Variants in PRKACB observed in about 807,000 individuals in gnomAD.
PRKACB encodes the protein protein kinase cAMP-activated catalytic subunit beta, also known as cAMP-dependent protein kinase catalytic subunit beta.
PRKACB carries 16 observed loss-of-function variants against 51.4 expected under a neutral mutation model. The observed-to-expected ratio is 0.31, with a 90% CI of 0.21 to 0.47. The LOEUF (loss-of-function observed/expected upper bound fraction) is 0.47. PRKACB is among the 20% of genes least tolerant of loss of function. The pLI is 1.00. For synonymous variants in PRKACB, 147 were observed against 154.4 expected (o/e 0.95, Z 0.35); for missense variants, 309 against 464.5 (o/e 0.67, Z 3.08).
At chr1:84,158,924 T>C (rs752540570) in intron 1 of PRKACB, among the ~76,000 whole-genome samples, 14 of 152,148 alleles carry the variant, frequency 9.2e-5, no homozygotes, top group African/African-American at 1.2e-4. Context: ...TTGGCATCTT[T>C]CTCAAAAATC....
intron 1 of PRKACB, among the ~76,000 whole-genome samples, chr1:84,134,536 A>G (rs2100565345): frequency 6.6e-6 from 1 of 152,352 alleles, no homozygotes; most frequent in East Asian, 1.9e-4. Context: ...GACTTAGATT[A>G]GTTAAAAATG....
At chr1:84,164,374 G>C (rs780779693) in intron 1 of PRKACB, 2 of 1,565,694 alleles carry the variant, frequency 1.3e-6, no homozygotes, top group African/African-American at 2.7e-5. Flanking sequence ...AGACGTTTAG[G>C]TGCAATCATT....
chr1:84,159,594 T>A (rs541047108), intron 1 of PRKACB, among the ~76,000 whole-genome samples: 2 of 152,284 alleles, frequency 1.3e-5, no homozygotes, highest in South Asian at 4.1e-4. Flanking sequence ...ATATCTATTT[T>A]CTTGCCTCAT....
intron 1 of PRKACB, among the ~76,000 whole-genome samples, chr1:84,122,823 T>C (rs1173046206): frequency 1.3e-5 from 2 of 152,182 alleles, no homozygotes; most frequent in African/African-American, 2.4e-5. Flanking sequence ...TTTTATAGTT[T>C]GATTTGTATA....
At chr1:84,130,904 T>C (rs1015874389) in intron 1 of PRKACB, among the ~76,000 whole-genome samples, 39 of 152,196 alleles carry the variant, frequency 2.6e-4, no homozygotes, top group Admixed American at 1.2e-3. Flanking sequence ...TCCTCTTAAG[T>C]TCATTAAGAT....
At position 84,156,930 on chromosome 1, in the gene PRKACB, G is replaced by T. The variant is rs568815955; in HGVS notation, c.187+12382G>T. On this transcript the variant is annotated intron_variant, in intron 1 of 9. Transcript: ENST00000370685. ...CTATTTCTGTTGCTTTACCTGCCTG[G>T]CCTCTGTAGTCACTTGGATTTAGCC... 2.2e-4 allele frequency among the ~76,000 whole-genome samples: 33 copies of T among 152,100 alleles called. No individual in the cohort carries two copies. In the South Asian group the frequency reaches 6.6e-3, roughly 31 times the overall value.
At chr1:84,127,645 T>TC (rs1373069713) in intron 1 of PRKACB, among the ~76,000 whole-genome samples, 1 of 152,192 alleles carries the variant, frequency 6.6e-6, no homozygotes, top group East Asian at 1.9e-4. Flanking sequence ...GGGTTTTTTT[T>TC]CTTTTTCTTA....
chr1:84,115,181 A>C (rs1571635887), intron 1 of PRKACB, among the ~76,000 whole-genome samples: 1 of 150,276 alleles, frequency 6.7e-6, no homozygotes, highest in Non-Finnish European at 1.5e-5. Context: ...TTTTCTCCAC[A>C]TCCTTGCCAA....
chr1:84,163,753 T>A (rs1558056495), intron 1 of PRKACB, among the ~76,000 whole-genome samples: 1 of 152,082 alleles, frequency 6.6e-6, no homozygotes, highest in Non-Finnish European at 1.5e-5. Context: ...AGCTTCATAG[T>A]TGTTTCTTAG....
intron 1 of PRKACB, among the ~76,000 whole-genome samples, chr1:84,098,175 T>A (rs908792687): frequency 6.6e-6 from 1 of 152,136 alleles, no homozygotes; most frequent in African/African-American, 2.4e-5. Context: ...AATTAAATCT[T>A]TTGCCTATTT....
intron 1 of PRKACB, among the ~76,000 whole-genome samples, chr1:84,157,975 C>T (rs1260061949): frequency 6.6e-6 from 1 of 152,044 alleles, no homozygotes; most frequent in Non-Finnish European, 1.5e-5. Flanking sequence ...AAATTGTTTC[C>T]CAAAGTGGTG....
intron 1 of PRKACB, among the ~76,000 whole-genome samples, chr1:84,168,812 A>T (rs1408896466): frequency 6.6e-6 from 1 of 151,576 alleles, no homozygotes; most frequent in South Asian, 2.1e-4. Context: ...TAAAACAGCT[A>T]TAGTGGGACA....
At chr1:84,106,297 T>G (rs971690626) in intron 1 of PRKACB, among the ~76,000 whole-genome samples, 2 of 152,074 alleles carry the variant, frequency 1.3e-5, no homozygotes, top group East Asian at 3.9e-4. Flanking sequence ...GGCATTCAAA[T>G]AGGAAGAGGG....
At chr1:84,164,720 A>G (rs1656831676) in intron 1 of PRKACB, 7 of 1,380,916 alleles carry the variant, frequency 5.1e-6, no homozygotes, top group Admixed American at 6.1e-5. Context: ...CTAGTGGTAT[A>G]TGAAGGAGGC....
chr1:84,203,390 T>C (rs1404437442), intron 8 of PRKACB, among the ~76,000 whole-genome samples: 3 of 152,072 alleles, frequency 2.0e-5, no homozygotes, highest in African/African-American at 7.2e-5. Context: ...TGTAGTATTT[T>C]ACATTTTGTA....
chr1:84,165,193 C>T (rs769729862), intron 1 of PRKACB, among the ~76,000 whole-genome samples: 10 of 151,868 alleles, frequency 6.6e-5, no homozygotes, highest in Non-Finnish European at 1.0e-4. Flanking sequence ...GAACTGTAAA[C>T]AATTAATGGC....
chr1:84,099,160 A>G (rs1392701567), intron 1 of PRKACB, among the ~76,000 whole-genome samples: 1 of 152,122 alleles, frequency 6.6e-6, no homozygotes, highest in Non-Finnish European at 1.5e-5. Flanking sequence ...ATTAACTACA[A>G]ATAATCCAAT....
At chr1:84,122,950 C>G (rs543077476) in intron 1 of PRKACB, among the ~76,000 whole-genome samples, 1 of 152,084 alleles carries the variant, frequency 6.6e-6, no homozygotes, top group Non-Finnish European at 1.5e-5. Context: ...AAAGATTTTT[C>G]TGGTATGTAT....
At chr1:84,178,952 C>G in intron 1 of PRKACB, 1 of 327,056 alleles carries the variant, frequency 3.1e-6, no homozygotes, top group Non-Finnish European at 5.2e-6. Context: ...TTGAAATTAT[C>G]AAAGTGGTTT....
Sources: gnomAD v4.1 joint callset for allele counts (sites outside exome capture counted in the v4.1 genomes callset) on GRCh38, gnomAD v4.1.1 for gene constraint, MANE v1.5 for transcripts, NCBI Gene and HGNC (gene_info 2026-07-23, HGNC 2026-07-21) for gene names.